PRKN: variants seen among roughly 807,000 people sequenced by gnomAD.
The protein encoded by PRKN is parkin RBR E3 ubiquitin protein ligase.
PRKN carries 56 observed loss-of-function variants against 59.5 expected under a neutral mutation model. The ratio of observed to expected loss-of-function variants is 0.94; its 90% CI spans 0.76 to 1.18. The LOEUF (loss-of-function observed/expected upper bound fraction) is 1.18. PRKN is among the 50% of genes most tolerant of loss of function. PRKN has a pLI of 0.00. For synonymous variants in PRKN, 250 were observed against 222.1 expected, an observed-to-expected ratio of 1.13 and a Z score of -1.12; for missense variants, 657 against 596.4, an observed-to-expected ratio of 1.10 and a Z score of -1.06.
intron 6 of PRKN, among the ~76,000 whole-genome samples, chr6:161,927,376 A>G (rs1779007378): frequency 6.6e-6 from 1 of 152,224 alleles, no homozygotes; most frequent in South Asian, 2.1e-4. Context: ...ATGCTGAAGA[A>G]TAAATAAGGG....
At chr6:162,019,042 C>A (rs1783033510) in intron 5 of PRKN, among the ~76,000 whole-genome samples, 1 of 152,124 alleles carries the variant, frequency 6.6e-6, no homozygotes, top group Non-Finnish European at 1.5e-5. Flanking sequence ...GGTGATCAAC[C>A]ATACTTAGAT....
rs763015574 is a variant in PRKN at position 161,548,995 on chromosome 6, C to T, written c.942G>A (p.Arg314=). ...FRILGEEQYN[R]YQQYGAEECV... ...ACTCCTCTGCACCATACTGCTGGTACCGGTTGTACTGCAAAACCCAAAAAG... is the reference window on the plus strand; with the variant it reads ...ACTCCTCTGCACCATACTGCTGGTATCGGTTGTACTGCAAAACCCAAAAAG... Residue 314 remains arginine, a synonymous_variant, in exon 9 of 12, where the codon CGG becomes CGA. Coordinates refer to ENST00000366898, the MANE Select transcript of PRKN (RefSeq NM_004562.3). This position sits in a 1 kb window ranked among gnomAD's most constrained non-coding sequence, Gnocchi z 4.2. The T allele has an allele frequency of 2.5e-6, 4 of 1,614,072 alleles. No individual in the cohort carries two copies. Among genetic ancestry groups the T allele is most frequent in the South Asian group, 2.2e-5 (2 of 91,076 alleles).
rs1781266336 is a variant in PRKN at position 161,579,747 on chromosome 6, G to A, written c.872-10331C>T. Among the ~76,000 whole-genome samples, 1 of 152,146 alleles carries A rather than the reference G, an allele frequency of 6.6e-6. No homozygotes were observed. The highest frequency in any genetic ancestry group is 6.5e-5 in the Admixed American group (1 of 15,278). On this transcript the variant is annotated intron_variant, in intron 7 of 11. Coordinates refer to ENST00000366898, the MANE Select transcript of PRKN (RefSeq NM_004562.3). This position sits in a 1 kb window ranked among gnomAD's most constrained non-coding sequence, Gnocchi z 4.2. Reference sequence around the variant, plus strand: ...AGGGGCTGGGGGTAAAGTGGAATGGGGCAGGGGAACAGAAAAGAGTTTATA... The same window carrying A: ...AGGGGCTGGGGGTAAAGTGGAATGGAGCAGGGGAACAGAAAAGAGTTTATA...
At chr6:162,084,455 T>C (rs1779175293) in intron 4 of PRKN, among the ~76,000 whole-genome samples, 1 of 152,144 alleles carries the variant, frequency 6.6e-6, no homozygotes, top group Non-Finnish European at 1.5e-5. Context: ...GGAAGTAAGT[T>C]TCACTATATG....
Position 162,050,748 on chromosome 6 carries a change from G to A in PRKN, c.618+3343C>T, listed in dbSNP as rs543809608. On this transcript the variant is annotated intron_variant, in intron 5 of 11. Coordinates refer to ENST00000366898, the MANE Select transcript of PRKN (RefSeq NM_004562.3). Reference sequence around the variant, plus strand: ...GAGAAGGGGCTTCCTACCAGGCCCAGAGGAGCGTGGTCCATGCGGAGCACT... The same window carrying A: ...GAGAAGGGGCTTCCTACCAGGCCCAAAGGAGCGTGGTCCATGCGGAGCACT... Among the ~76,000 whole-genome samples, 15 of 152,258 alleles carry A rather than the reference G, an allele frequency of 9.9e-5. No homozygotes were observed. The East Asian group carries it at 2.9e-3, about 29-fold the overall frequency.
intron 2 of PRKN, among the ~76,000 whole-genome samples, chr6:162,374,202 T>C (rs2128138109): frequency 6.6e-6 from 1 of 152,324 alleles, no homozygotes; most frequent in South Asian, 2.1e-4. Flanking sequence ...CTCTAGGCAC[T>C]GATGACATTT....
chr6:161,450,777 G>C (rs959788641), intron 9 of PRKN, among the ~76,000 whole-genome samples: 76 of 152,150 alleles, frequency 5.0e-4, no homozygotes, highest in Middle Eastern at 3.4e-3. Context: ...GGATGGTCTC[G>C]ACCTCCTGAC....
At chr6:162,430,155 CGAT>C (rs1554321772) in intron 2 of PRKN, among the ~76,000 whole-genome samples, 1 of 126,332 alleles carries the variant, frequency 7.9e-6, no homozygotes, top group South Asian at 2.7e-4. Context: ...ATGATGATGA[CGAT>C]GACGACGACG....
At chr6:162,312,931 T>A (rs1352491245) in intron 2 of PRKN, among the ~76,000 whole-genome samples, 1 of 152,120 alleles carries the variant, frequency 6.6e-6, no homozygotes, top group African/African-American at 2.4e-5. Context: ...AAATGTACAC[T>A]AGATGCCAGA....
chr6:161,426,035 A>T (rs1159046256), intron 9 of PRKN, among the ~76,000 whole-genome samples: 2 of 152,094 alleles, frequency 1.3e-5, no homozygotes, highest in African/African-American at 4.8e-5. Context: ...ATTAACAAAG[A>T]TGAGTGATGG....
chr6:161,789,292 C>T (rs1790545995), intron 6 of PRKN, among the ~76,000 whole-genome samples: 1 of 152,192 alleles, frequency 6.6e-6, no homozygotes, highest in African/African-American at 2.4e-5. Context: ...TGGGCACCTA[C>T]TTCGGGTTAG....
intron 7 of PRKN, among the ~76,000 whole-genome samples, chr6:161,712,972 T>A (rs1278051099): frequency 6.6e-6 from 1 of 152,034 alleles, no homozygotes; most frequent in African/African-American, 2.4e-5. Context: ...GGAAATAGCA[T>A]CAGATCCCAC....
At position 161,468,970 on chromosome 6, in the gene PRKN, C is replaced by G. The variant is rs1235541209; in HGVS notation, c.1083+79884G>C. Among the ~76,000 whole-genome samples the G allele has an allele frequency of 6.6e-6, 1 of 152,152 alleles. No individual in the cohort carries two copies. The highest frequency in any genetic ancestry group is 6.5e-5 in the Admixed American group (1 of 15,288). ...ACCCAGCAGTACACAAATGGGCGCT[C>G]CCTACAGGCCAAGTAAAATTCCTTC... On this transcript the variant is annotated intron_variant, in intron 9 of 11. Coordinates refer to ENST00000366898, the MANE Select transcript of PRKN (RefSeq NM_004562.3). The surrounding 1 kb of genome is among the most constrained non-coding windows in gnomAD (Gnocchi z 5.9).
intron 6 of PRKN, among the ~76,000 whole-genome samples, chr6:161,886,051 T>C (rs1299215786): frequency 1.3e-5 from 2 of 152,168 alleles, no homozygotes; most frequent in African/African-American, 2.4e-5. Context: ...TTAAAGTATT[T>C]CCTGCAAAGA....
chr6:162,133,255 A>G (rs1459641935), intron 4 of PRKN, among the ~76,000 whole-genome samples: 1 of 152,178 alleles, frequency 6.6e-6, no homozygotes, highest in Non-Finnish European at 1.5e-5. Context: ...ACAAGAGAAT[A>G]GAAGTGAGGG....
intron 1 of PRKN, among the ~76,000 whole-genome samples, chr6:162,452,688 A>C (rs573292601): frequency 6.6e-6 from 1 of 152,296 alleles, no homozygotes; most frequent in South Asian, 2.1e-4. Context: ...AGAATGGAAG[A>C]AAAATAGAGA....
chr6:162,521,252 C>A (rs567880771), intron 1 of PRKN, among the ~76,000 whole-genome samples: 13 of 152,280 alleles, frequency 8.5e-5, no homozygotes, highest in Admixed American at 7.2e-4. Flanking sequence ...TTTTCCAAAA[C>A]TATAAGCAAG....
chr6:162,523,350 T>C (rs1427655523), intron 1 of PRKN, among the ~76,000 whole-genome samples: 2 of 151,970 alleles, frequency 1.3e-5, no homozygotes, highest in Non-Finnish European at 2.9e-5. Flanking sequence ...AGAAATAGTA[T>C]AAAAGAAACC....
chr6:162,065,610 G>A (rs570792922), intron 4 of PRKN, among the ~76,000 whole-genome samples: 7 of 151,140 alleles, frequency 4.6e-5, no homozygotes, highest in African/African-American at 1.7e-4. Context: ...TAGGGTACAC[G>A]TGCACAACGT....
Sources: allele counts gnomAD v4.1 joint callset (sites outside exome capture counted in the v4.1 genomes callset), GRCh38; gene constraint gnomAD v4.1.1; non-coding constraint Gnocchi (gnomAD v3.1); transcripts MANE v1.5; gene names NCBI Gene and HGNC (gene_info 2026-07-23, HGNC 2026-07-21).